The following SCN1A variants were observed in gnomAD, a reference collection of about 807,000 sequenced individuals.
The protein encoded by SCN1A is sodium channel protein type 1 subunit alpha.
In SCN1A, 13 loss-of-function variants were observed where a neutral mutation model predicts 193.7. The ratio of observed to expected loss-of-function variants is 0.07; its 90% confidence interval spans 0.04 to 0.11. The LOEUF is 0.11. Among genes scored for constraint, SCN1A ranks in the 10% least tolerant of loss-of-function variants. The pLI is 1.00. For synonymous variants in SCN1A, 781 were observed against 843.6 expected (o/e 0.93, Z 1.29); for missense variants, 1,432 against 2,451.1 (o/e 0.58, Z 8.78).
intron 2 of SCN1A, among the ~76,000 whole-genome samples, chr2:166,094,327 T>C (rs1385600199): frequency 6.6e-6 from 1 of 152,184 alleles, no homozygotes; most frequent in South Asian, 2.1e-4. Context: ...TGGTTGAAAG[T>C]GTCCTTTTAA....
At chr2:166,125,108 C>G (rs1691086508) in intron 2 of SCN1A, among the ~76,000 whole-genome samples, 1 of 152,196 alleles carries the variant, frequency 6.6e-6, no homozygotes, top group Non-Finnish European at 1.5e-5. Context: ...CCACCCTACC[C>G]TAAACTAATG....
Position 166,044,067 on chromosome 2 carries a change from C to T in SCN1A, c.1663-18G>A. 1 of 1,613,598 alleles carries T rather than the reference C, an allele frequency of 6.2e-7. No individual in the cohort carries two copies. Among genetic ancestry groups the T allele is most frequent in the Non-Finnish European group, 8.5e-7 (1 of 1,179,894 alleles). ...AACAAAGACTAGAAGTTTGAAAGAG[C>T]AAACAAATAAAGTCATATTAATATG... On this transcript the variant is annotated intron_variant, in intron 13 of 28. Transcript: ENST00000674923.
At chr2:166,138,796 C>T (rs548604516) in intron 1 of SCN1A, among the ~76,000 whole-genome samples, 1 of 152,274 alleles carries the variant, frequency 6.6e-6, no homozygotes, top group East Asian at 1.9e-4. Context: ...GATCCACTGA[C>T]AGCTTGCACT....
At chr2:166,052,172 T>A (rs1698648541) in intron 8 of SCN1A, among the ~76,000 whole-genome samples, 184 bp from the exon 9 acceptor site, 1 of 151,996 alleles carries the variant, frequency 6.6e-6, no homozygotes, top group Admixed American at 6.6e-5. Flanking sequence ...ATGTAATGAT[T>A]TAAACAATGA....
At chr2:166,100,952 G>A (rs1687989271) in intron 2 of SCN1A, among the ~76,000 whole-genome samples, 4 of 48,430 alleles carry the variant, frequency 8.3e-5, no homozygotes, top group African/African-American at 2.5e-4. Context: ...TCAGTGTGGC[G>A]ATTCCTCAGG....
At chr2:166,101,812 G>T (rs1382144171) in intron 2 of SCN1A, among the ~76,000 whole-genome samples, 1 of 152,096 alleles carries the variant, frequency 6.6e-6, no homozygotes, top group Admixed American at 6.6e-5. Flanking sequence ...TAAGGCCTTG[G>T]CAAAGATTTC....
At chr2:166,089,546 G>T (rs564573221) in intron 2 of SCN1A, among the ~76,000 whole-genome samples, 19 of 151,962 alleles carry the variant, frequency 1.3e-4, no homozygotes, top group Non-Finnish European at 2.4e-4. Flanking sequence ...CAGAGAGAGG[G>T]CGTAAGAGTT....
At chr2:165,994,483 T>C (rs1201823037) in intron 27 of SCN1A, 67 bp from the exon 28 acceptor site, 3 of 1,459,666 alleles carry the variant, frequency 2.1e-6, no homozygotes, top group African/African-American at 2.8e-5. Context: ...ATTAAGTACT[T>C]TCTGCATTAA....
At chr2:166,009,971 A>G in intron 22 of SCN1A, 130 bp from the exon 23 acceptor site, 2 of 815,608 alleles carry the variant, frequency 2.5e-6, no homozygotes, top group Admixed American at 2.4e-5. Flanking sequence ...TTTTCAGTAA[A>G]CCTTTAAAAA....
chr2:166,076,367 A>G (rs889266380), intron 3 of SCN1A, among the ~76,000 whole-genome samples: 21 of 152,030 alleles, frequency 1.4e-4, no homozygotes, highest in East Asian at 5.8e-4. Flanking sequence ...TTTATTTTCT[A>G]TATGGAGTGA....
rs527380368 is a variant in SCN1A at position 166,145,520 on chromosome 2, A to G, written c.-50+3527T>C. 3.4e-3 allele frequency among the ~76,000 whole-genome samples: 262 copies of G among 78,016 alleles called. 1 individual carries two copies. The highest frequency in any genetic ancestry group is 5.4e-3 in the Non-Finnish European group (226 of 42,166). 51.2% of individuals were successfully genotyped at this position (78,016 alleles called of 152,430 possible). A position where few individuals can be genotyped will look rare whatever the true frequency, so the allele number is the denominator to read the frequency against. On this transcript the variant is annotated intron_variant, in intron 1 of 26. Transcript: ENST00000635750. ...ATTGAAAAGAATCTTTAACTGTTGG[A>G]GAAAAATTTGTGTGTGTGTGTGTGT... is the stretch of plus-strand genomic sequence containing the variant.
rs1371598675 is a variant in SCN1A at position 165,990,572 on chromosome 2, G to A, written c.*673C>T. ...GATTTCGCAAAACAAGATCAACAAAGCACCTCCACTTATCACCCAATTACC... is the reference window on the plus strand; with the variant it reads ...GATTTCGCAAAACAAGATCAACAAAACACCTCCACTTATCACCCAATTACC... On this transcript the variant is annotated 3_prime_UTR_variant, in exon 29 of 29. Transcript: ENST00000674923. The A allele has an allele frequency of 1.3e-5, 2 of 152,614 alleles. No individual in the cohort carries two copies. The highest frequency in any genetic ancestry group is 6.5e-5 in the Admixed American group (1 of 15,274). 9.5% of individuals were successfully genotyped at this position (152,614 alleles called of 1,614,324 possible).
chr2:166,041,075 A>G, intron 16 of SCN1A, 156 bp downstream of exon 16: 1 of 655,906 alleles, frequency 1.5e-6, no homozygotes, highest in Non-Finnish European at 2.7e-6. Context: ...ATTTTTGGCA[A>G]AAAAGTAGAG....
In SCN1A at chr2:166,051,830, C is replaced by T; in HGVS notation, c.853G>A (p.Ala285Thr). The T allele has an allele frequency of 6.2e-7, 1 of 1,612,592 alleles. No homozygotes were observed. The highest frequency in any genetic ancestry group is 1.7e-4 in the Middle Eastern group (1 of 6,046). Reference sequence around the variant, plus strand: ...TCTATACTATGTTCCTCCAAGGAAGCATTGGTGGGAGGCCATTGTATACAT... The same window carrying T: ...TCTATACTATGTTCCTCCAAGGAAGTATTGGTGGGAGGCCATTGTATACAT... ...NKCIQWPPTN[A>T]SLEEHSIEKN... The change falls in exon 9 of 29, where the codon GCT becomes ACT. Residue 285 changes from alanine to threonine, a missense_variant. Coordinates refer to ENST00000674923, the MANE Select transcript of SCN1A (RefSeq NM_001165963.4).
At chr2:166,057,896 A>G (rs991749322) in intron 5 of SCN1A, among the ~76,000 whole-genome samples, 1 of 152,042 alleles carries the variant, frequency 6.6e-6, no homozygotes, top group African/African-American at 2.4e-5. Flanking sequence ...AATGGGAATC[A>G]TGAAACCAAA....
At chr2:166,085,638 GGA>G (rs1441668287) in intron 2 of SCN1A, among the ~76,000 whole-genome samples, 18 of 152,198 alleles carry the variant, frequency 1.2e-4, no homozygotes. Flanking sequence ...AACGGGGAGA[GGA>G]GAGTGTTGAG....
At chr2:166,117,287 G>A (rs1055591787) in intron 2 of SCN1A, among the ~76,000 whole-genome samples, 4 of 152,122 alleles carry the variant, frequency 2.6e-5, no homozygotes, top group Non-Finnish European at 5.9e-5. Flanking sequence ...CAGCATTATT[G>A]TTGATATACA....
intron 4 of SCN1A, among the ~76,000 whole-genome samples, chr2:166,059,744 G>A (rs1163394160): frequency 6.6e-6 from 1 of 152,090 alleles, no homozygotes; most frequent in Non-Finnish European, 1.5e-5. Context: ...AAGCATAAAT[G>A]TTATGTTTAT....
At chr2:166,079,156 G>A (rs1168503948) in intron 2 of SCN1A, among the ~76,000 whole-genome samples, 1 of 151,426 alleles carries the variant, frequency 6.6e-6, no homozygotes, top group East Asian at 1.9e-4. Context: ...TTCTATGTCT[G>A]TACATATTTT....
Sources: gnomAD v4.1 joint callset for allele counts (sites outside exome capture counted in the v4.1 genomes callset) on GRCh38, gnomAD v4.1.1 for gene constraint, MANE v1.5 for transcripts, NCBI Gene and HGNC (gene_info 2026-07-23, HGNC 2026-07-21) for gene names.